The following KCND2 variants were observed in gnomAD, a reference collection of about 807,000 sequenced individuals.
The protein encoded by KCND2 is potassium voltage-gated channel subfamily D member 2, also known as A-type voltage-gated potassium channel KCND2.
KCND2 carries 16 observed loss-of-function variants against 54.4 expected under a neutral mutation model. That is an observed-to-expected ratio of 0.29 (90% CI 0.20 to 0.45). KCND2 has a LOEUF of 0.45. Ranked by LOEUF, KCND2 falls within the 20% of genes least tolerant of loss-of-function variation. KCND2 has a pLI of 1.00. For missense variants in KCND2, 486 were observed against 824.2 expected (o/e 0.59, Z 5.02); for synonymous variants, 317 against 310.7 (o/e 1.02, Z -0.21).
In KCND2 at chr7:120,532,712, T is replaced by A. The variant is rs185095366; in HGVS notation, c.1116-200191T>A. ...AAATATATTAAAAAGCAAGAAGAAA[T>A]CAATCAGTTATGAAAATAAACAAAT... On this transcript the variant is annotated intron_variant, in intron 1 of 5. Transcript: ENST00000331113. 4.5e-3 allele frequency among the ~76,000 whole-genome samples: 685 copies of A among 151,618 alleles called. 5 individuals carry two copies. The highest frequency in any genetic ancestry group is 0.016 in the African/African-American group (655 of 41,388).
At chr7:120,402,138 A>G (rs957490882) in intron 1 of KCND2, among the ~76,000 whole-genome samples, 2 of 152,184 alleles carry the variant, frequency 1.3e-5, no homozygotes, top group Admixed American at 1.3e-4. Flanking sequence ...ACTTGTTTTA[A>G]CAAGATTCTA....
At chr7:120,616,126 G>A (rs1226542246) in intron 1 of KCND2, among the ~76,000 whole-genome samples, 3 of 152,152 alleles carry the variant, frequency 2.0e-5, no homozygotes, top group East Asian at 1.9e-4. Context: ...AGGAAAGAGG[G>A]AAGAAGCAAA....
chr7:120,474,853 A>G (rs1430040361), intron 1 of KCND2, among the ~76,000 whole-genome samples: 4 of 152,044 alleles, frequency 2.6e-5, no homozygotes, highest in African/African-American at 9.7e-5. Flanking sequence ...AAGCATGATC[A>G]TCTTCATCAT....
intron 1 of KCND2, among the ~76,000 whole-genome samples, chr7:120,368,316 G>T (rs1338837946): frequency 2.0e-5 from 3 of 151,864 alleles, no homozygotes; most frequent in Admixed American, 6.6e-5. Context: ...TATTTTTAAT[G>T]TAAGTTTCTT....
intron 1 of KCND2, among the ~76,000 whole-genome samples, chr7:120,394,443 T>C (rs1006668580): frequency 6.6e-6 from 1 of 151,900 alleles, no homozygotes; most frequent in African/African-American, 2.4e-5. Flanking sequence ...ATGTTACCTA[T>C]AGGAGCAATT....
At chr7:120,577,568 A>G (rs1341960148) in intron 1 of KCND2, among the ~76,000 whole-genome samples, 1 of 151,950 alleles carries the variant, frequency 6.6e-6, no homozygotes, top group Admixed American at 6.6e-5. Context: ...AAACAAACCA[A>G]CACCAAACCG....
intron 1 of KCND2, among the ~76,000 whole-genome samples, chr7:120,649,818 C>CA (rs1791702958): frequency 6.6e-6 from 1 of 152,166 alleles, no homozygotes; most frequent in Non-Finnish European, 1.5e-5. Flanking sequence ...CTGGTGGTGA[C>CA]AAAATCTCTC....
At chr7:120,583,785 G>C (rs761753422) in intron 1 of KCND2, among the ~76,000 whole-genome samples, 1 of 9,344 alleles carries the variant, frequency 1.1e-4, no homozygotes, top group Non-Finnish European at 3.2e-4. Flanking sequence ...TAGGAATTGT[G>C]GGGGGGGGGA....
At chr7:120,415,691 C>A (rs532193524) in intron 1 of KCND2, among the ~76,000 whole-genome samples, 6 of 152,184 alleles carry the variant, frequency 3.9e-5, no homozygotes, top group Non-Finnish European at 8.8e-5. Context: ...TGATGAATGG[C>A]ATTAGGCCAA....
chr7:120,625,332 A>T (rs1208786887), intron 1 of KCND2, among the ~76,000 whole-genome samples: 2 of 152,348 alleles, frequency 1.3e-5, no homozygotes. Flanking sequence ...TGCAGTCTCC[A>T]TTCCAATTTT....
chr7:120,539,763 A>G (rs1791957194), intron 1 of KCND2, among the ~76,000 whole-genome samples: 2 of 152,196 alleles, frequency 1.3e-5, no homozygotes. Context: ...TTGTGGCAAA[A>G]GCACATAAAT....
chr7:120,364,933 G>A (rs896453715), intron 1 of KCND2, among the ~76,000 whole-genome samples: 5 of 152,098 alleles, frequency 3.3e-5, no homozygotes, highest in African/African-American at 9.6e-5. Flanking sequence ...CCCAGCAAAC[G>A]ATTTTGTAAG....
At chr7:120,580,649 T>A (rs1792503779) in intron 1 of KCND2, among the ~76,000 whole-genome samples, 1 of 152,268 alleles carries the variant, frequency 6.6e-6, no homozygotes, top group South Asian at 2.1e-4. Flanking sequence ...AGAACTTGTG[T>A]TCTGTTAATA....
intron 1 of KCND2, among the ~76,000 whole-genome samples, chr7:120,492,638 A>G (rs1405391566): frequency 3.3e-5 from 5 of 152,068 alleles, no homozygotes; most frequent in African/African-American, 9.7e-5. Flanking sequence ...AGTTTCTTTT[A>G]TAAGGACACT....
chr7:120,516,310 AAG>A (rs1374993782), intron 1 of KCND2, among the ~76,000 whole-genome samples: 4 of 152,262 alleles, frequency 2.6e-5, no homozygotes, highest in Admixed American at 2.6e-4. Flanking sequence ...AATACACGCC[AAG>A]AGAGTGTCCT....
intron 1 of KCND2, among the ~76,000 whole-genome samples, chr7:120,434,745 T>C (rs1197897932): frequency 6.6e-6 from 1 of 152,194 alleles, no homozygotes; most frequent in Non-Finnish European, 1.5e-5. Context: ...GAGCTCGTCA[T>C]AGCTCATGGG....
chr7:120,476,968 G>T (rs1250655152), intron 1 of KCND2, among the ~76,000 whole-genome samples: 2 of 152,170 alleles, frequency 1.3e-5, no homozygotes, highest in African/African-American at 2.4e-5. Flanking sequence ...GGTAAATTAG[G>T]TAGTCATCAC....
At chr7:120,661,028 CTG>C (rs1791859522) in intron 1 of KCND2, among the ~76,000 whole-genome samples, 1 of 152,054 alleles carries the variant, frequency 6.6e-6, no homozygotes, top group African/African-American at 2.4e-5. Context: ...CATGCATAAA[CTG>C]TGTCATGGTG....
chr7:120,568,481 T>C (rs1792325165), intron 1 of KCND2, among the ~76,000 whole-genome samples: 1 of 152,282 alleles, frequency 6.6e-6, no homozygotes, highest in East Asian at 1.9e-4. Flanking sequence ...AGTACATTTG[T>C]ATCTTACTTT....
Sources: allele counts gnomAD v4.1 joint callset (sites outside exome capture counted in the v4.1 genomes callset), GRCh38; gene constraint gnomAD v4.1.1; transcripts MANE v1.5; gene names NCBI Gene and HGNC (gene_info 2026-07-23, HGNC 2026-07-21).